The following MYH3 variants were observed in gnomAD, a reference collection of about 807,000 sequenced individuals.
MYH3 encodes myosin-3.
In MYH3, 130 loss-of-function variants were observed where a neutral mutation model predicts 238.0. The ratio of observed to expected loss-of-function variants is 0.55; its 90% CI spans 0.47 to 0.63. The LOEUF is 0.63. Among genes scored for constraint, MYH3 ranks in the 30% least tolerant of loss-of-function variants. MYH3 has a pLI of 0.00. For missense variants in MYH3, 1,853 were observed against 2,374.9 expected, an observed-to-expected ratio of 0.78 and a Z score of 4.57; for synonymous variants, 880 against 924.1, an observed-to-expected ratio of 0.95 and a Z score of 0.86.
In MYH3 at chr17:10,628,658, C is replaced by A; in HGVS notation, c.5818G>T (p.Glu1940Ter). The A allele has an allele frequency of 6.2e-7, 1 of 1,614,198 alleles. No homozygotes were observed. Among genetic ancestry groups the A allele is most frequent in the Non-Finnish European group, 8.5e-7 (1 of 1,180,028 alleles). The change falls in exon 41 of 41, where the codon GAG becomes TAG. Residue 1940 changes from glutamate (E) to a stop codon, truncating the protein, a stop_gained. Coordinates refer to ENST00000583535, the MANE Select transcript of MYH3 (RefSeq NM_002470.4). LOFTEE classifies it high-confidence loss of function. ...CCTGCTCCAGAAGGGCTGGCTCACT[C>A]TTCACTCTCGTGGACCACCATCTAG... ...SSRMVVHESE[E>*]
At chr17:10,641,936 G>T (rs1244106568) in intron 17 of MYH3, among the ~76,000 whole-genome samples, 1 of 152,186 alleles carries the variant, frequency 6.6e-6, no homozygotes, top group Non-Finnish European at 1.5e-5. Flanking sequence ...ATCAACTCAG[G>T]TGATGGATCC....
At position 10,654,641 on chromosome 17, in the gene MYH3, T is replaced by C. The variant is rs1325956884; in HGVS notation, c.204+220A>G. ...AAAAATACCTGAAAACTAATTGTTT[T>C]AATCAGCCACAGCCAGACTCTATTC... On this transcript the variant is annotated intron_variant, in intron 3 of 40. Coordinates refer to ENST00000583535, the MANE Select transcript of MYH3 (RefSeq NM_002470.4). The surrounding 1 kb of genome is among the most constrained non-coding windows in gnomAD (Gnocchi z 4.5). Among the ~76,000 whole-genome samples, 1 of 152,220 alleles carries C rather than the reference T, an allele frequency of 6.6e-6. No homozygotes were observed. The highest frequency in any genetic ancestry group is 2.1e-4 in the South Asian group (1 of 4,834).
At chr17:10,643,905 A>G (rs923155366) in intron 14 of MYH3, among the ~76,000 whole-genome samples, 1 of 152,102 alleles carries the variant, frequency 6.6e-6, no homozygotes, top group African/African-American at 2.4e-5. Flanking sequence ...CATGCCTGTA[A>G]TCCCAACACT....
At chr17:10,677,894 T>C in the MYH3 span, 1 of 152,232 alleles carries the variant, frequency 6.6e-6, no homozygotes, top group African/African-American at 2.4e-5. Flanking sequence ...AGGCGGCGGA[T>C]CACCTGAGGT....
intron 30 of MYH3, 141 bp from the exon 31 acceptor site, chr17:10,635,164 T>C (rs1028462145): frequency 3.0e-6 from 4 of 1,316,132 alleles, no homozygotes; most frequent in African/African-American, 1.5e-5. Flanking sequence ...TCCTGTCTAC[T>C]CAAAATCTGG....
rs1462373593 is a variant in MYH3 at position 10,638,103 on chromosome 17, G to A, written c.3669C>T (p.Ser1223=). Residue 1223 remains serine (S), a synonymous_variant, in exon 27 of 41, where the codon AGC becomes AGT. Transcript: ENST00000583535. ...RVKQKLEKEK[S]EFKLEIDDLS... ...GGTCATCGATCTCCAGCTTGAACTC[G>A]CTCTTCTCCTTCTCCAGCTTCTGCT... The A allele has an allele frequency of 5.0e-6, 8 of 1,613,520 alleles. No homozygotes were observed. Among genetic ancestry groups the A allele is most frequent in the African/African-American group, 1.3e-5 (1 of 74,732 alleles).
chr17:10,644,724 TGCTTAG>T, intron 12 of MYH3, 22 bp from the exon 13 acceptor site: 1 of 1,567,324 alleles, frequency 6.4e-7, no homozygotes. Flanking sequence ...ACAAGGACAG[TGCTTAG>T]AAAAGTAGAA....
chr17:10,677,036 G>C, the MYH3 span: 3 of 152,278 alleles, frequency 2.0e-5, no homozygotes, highest in Non-Finnish European at 4.4e-5. Flanking sequence ...GCCGGGCGCA[G>C]TGGCTCACGC....
intron 28 of MYH3, among the ~76,000 whole-genome samples, chr17:10,636,455 T>C (rs1381695226): frequency 6.6e-6 from 1 of 152,216 alleles, no homozygotes; most frequent in Non-Finnish European, 1.5e-5. Context: ...AGCTGTTTAT[T>C]GATTTGTTAT....
At chr17:10,649,819 C>A (rs932947860) in intron 6 of MYH3, 134 bp from the exon 7 acceptor site, 2 of 828,350 alleles carry the variant, frequency 2.4e-6, no homozygotes, top group East Asian at 2.5e-5. Flanking sequence ...ATGTGACAGA[C>A]CACTTGAGAA....
chr17:10,666,013 C>T, the MYH3 span, among the ~76,000 whole-genome samples: 62 of 152,190 alleles, frequency 4.1e-4, no homozygotes, highest in African/African-American at 1.3e-3. Flanking sequence ...AAGATGGACT[C>T]TTTAATAAGT....
chr17:10,632,758 C>A lies in MYH3; in HGVS notation c.4674G>T (p.Lys1558Asn). Reference sequence around the variant, plus strand: ...TCAATTCAAGCTGGATTCGGAGGATCTTGGCTTCTTCATGCTCAAGAGCAG... The same window carrying A: ...TCAATTCAAGCTGGATTCGGAGGATATTGGCTTCTTCATGCTCAAGAGCAG... ...AEAALEHEEA[K>N]ILRIQLELTQ... Residue 1558 changes from lysine (K) to asparagine (N), a missense_variant, in exon 34 of 41, where the codon AAG becomes AAT. By Grantham distance (94) the Lys-to-Asn change is moderately conservative. Around this residue, in one of 3 missense-constraint regions of MYH3, gnomAD observed 1,044 missense variants for 1,192.6 expected, o/e 0.88. Coordinates refer to ENST00000583535, the MANE Select transcript of MYH3 (RefSeq NM_002470.4). 6.2e-7 allele frequency: 1 copy of A among 1,614,228 alleles called. No individual in the cohort carries two copies. Among genetic ancestry groups the A allele is most frequent in the Non-Finnish European group, 8.5e-7 (1 of 1,180,050 alleles).
chr17:10,665,973 C>G, the MYH3 span, among the ~76,000 whole-genome samples: 2 of 152,102 alleles, frequency 1.3e-5, no homozygotes, highest in Non-Finnish European at 2.9e-5. Flanking sequence ...AAATGTGATA[C>G]CTGAAATGGC....
In MYH3 at chr17:10,644,710, G is replaced by C. The variant is rs2074304259; in HGVS notation, c.1142-8C>G. On this transcript the variant is annotated splice_region_variant and splice_polypyrimidine_tract_variant and intron_variant, in intron 12 of 40. Transcript: ENST00000583535. ...AGGCTGTTTTGTCAGCCACTGGCAA[G>C]AAAACAAGGACAGTGCTTAGAAAAG... 2 of 1,590,882 alleles carry C rather than the reference G, an allele frequency of 1.3e-6. No individual in the cohort carries two copies. The highest frequency in any genetic ancestry group is 1.7e-6 in the Non-Finnish European group (2 of 1,159,226).
Position 10,647,353 on chromosome 17 carries a change from A to T in MYH3, c.799+10T>A, listed in dbSNP as rs1162716347. The T allele has an allele frequency of 2.5e-6, 4 of 1,614,032 alleles. No individual in the cohort carries two copies. Among genetic ancestry groups the T allele is most frequent in the African/African-American group, 2.7e-5 (2 of 74,924 alleles). ...CTGAGACGCCATCGAATCCCCATGG[A>T]TCTACTTACAAGTTTCAATATCTGC... is the stretch of plus-strand genomic sequence containing the variant. On this transcript the variant is annotated intron_variant, in intron 9 of 40. Coordinates refer to ENST00000583535, the MANE Select transcript of MYH3 (RefSeq NM_002470.4).
At chr17:10,666,664 AG>A in the MYH3 span, among the ~76,000 whole-genome samples, 1 of 151,218 alleles carries the variant, frequency 6.6e-6, no homozygotes, top group African/African-American at 2.4e-5. Context: ...TGGGAGGCTG[AG>A]GGGGGAGGAC....
rs1414637462 is a variant in MYH3 at position 10,632,726 on chromosome 17, A to C, written c.4706T>G (p.Val1569Gly). 1.9e-6 allele frequency: 3 copies of C among 1,613,896 alleles called. No homozygotes were observed. The African/African-American group carries it at 4.0e-5, about 22-fold the overall frequency. ...ILRIQLELTQ[V>G]KSEIDRKIAE... ...GATCTTTCTATCAATTTCTGATTTC[A>C]CTTGTGTCAATTCAAGCTGGATTCG... The change falls in exon 34 of 41, where the codon GTG (valine) becomes GGG (glycine). Residue 1569 changes from valine (V) to glycine (G), a missense_variant. Around this residue, in one of 3 missense-constraint regions of MYH3, gnomAD observed 1,044 missense variants for 1,192.6 expected, o/e 0.88. Transcript: ENST00000583535.
upstream of MYH3, among the ~76,000 whole-genome samples, chr17:10,657,935 C>T (rs934093227): frequency 1.3e-5 from 2 of 152,176 alleles, 1 homozygote; most frequent in South Asian, 4.2e-4. Flanking sequence ...CGTTCTGTCT[C>T]ATTAGTATCA....
At chr17:10,658,072 A>G (rs1295682045), upstream of MYH3, among the ~76,000 whole-genome samples, 4 of 152,142 alleles carry the variant, frequency 2.6e-5, no homozygotes, top group Admixed American at 6.5e-5. Flanking sequence ...AAGACAGATT[A>G]CCAATTAGGA....
Sources: gnomAD v4.1 joint callset for allele counts (sites outside exome capture counted in the v4.1 genomes callset) on GRCh38, gnomAD v4.1.1 for gene constraint, gnomAD v4.1.1 regional missense constraint, Gnocchi (gnomAD v3.1) non-coding constraint, MANE v1.5 for transcripts, NCBI Gene and HGNC (gene_info 2026-07-23, HGNC 2026-07-21) for gene names.